MLLT3: variants seen among roughly 807,000 people sequenced by gnomAD.
The protein encoded by MLLT3 is protein AF-9.
In MLLT3, 4 loss-of-function variants were observed where a neutral mutation model predicts 53.2. That is an observed-to-expected ratio of 0.08 (90% CI 0.04 to 0.17). MLLT3 has a LOEUF of 0.17. Among genes scored for constraint, MLLT3 ranks in the 10% least tolerant of loss-of-function variants. MLLT3 has a pLI of 1.00. For missense variants in MLLT3, 569 were observed against 684.0 expected (o/e 0.83, Z 1.87); for synonymous variants, 283 against 230.6 (o/e 1.23, Z -2.06).
chr9:20,436,745 C>A lies in MLLT3; in HGVS notation c.420+11378G>T, dbSNP rs535934974. 3.6e-3 allele frequency among the ~76,000 whole-genome samples: 550 copies of A among 152,170 alleles called. 2 individuals carry two copies. The highest frequency in any genetic ancestry group is 4.6e-3 in the Non-Finnish European group (310 of 67,998). On this transcript the variant is annotated intron_variant, in intron 4 of 10. Transcript: ENST00000380338. The stretch of plus-strand genomic sequence containing the variant: ...AGTTTACTCATCTGTAAAATGGTGA[C>A]CTTGACCTATTATATCAAAGAATTT...
chr9:20,502,138 T>C (rs957026554), intron 2 of MLLT3: 1 of 151,362 alleles, frequency 6.6e-6, no homozygotes, highest in Admixed American at 6.7e-5. Flanking sequence ...GGTAAATATC[T>C]GACAATAATA....
In MLLT3 at chr9:20,615,887, A is replaced by AG. The variant is rs1451130647; in HGVS notation, c.193+4766_193+4767insC. On this transcript the variant is annotated intron_variant, in intron 2 of 10. Transcript: ENST00000380338. Reference sequence around the variant, plus strand: ...ACAAAGAGATTTGAAAAAAAAAAAAAAAAAGAAAAGAAAAGTAAACAATGC... The same window carrying AG: ...ACAAAGAGATTTGAAAAAAAAAAAAAGAAAAGAAAAGAAAAGTAAACAATGC... Among the ~76,000 whole-genome samples, 15 of 104,608 alleles carry AG rather than the reference A, an allele frequency of 1.4e-4. No homozygotes were observed. In the East Asian group the frequency reaches 2.0e-3, roughly 14 times the overall value. The allele number at this position is 104,608 out of a possible 152,430, so 68.6% of individuals were successfully genotyped here.
At chr9:20,364,015 T>C (rs1317933795) in intron 6 of MLLT3, among the ~76,000 whole-genome samples, 3 of 152,340 alleles carry the variant, frequency 2.0e-5, no homozygotes, top group East Asian at 3.9e-4. Flanking sequence ...TGTGTGGTAC[T>C]TTTTGATCCA....
chr9:20,350,313 C>T (rs934536393), intron 10 of MLLT3, among the ~76,000 whole-genome samples: 38 of 152,132 alleles, frequency 2.5e-4, no homozygotes, highest in African/African-American at 8.2e-4. Context: ...GAAAAACAGG[C>T]GGCCGGGCGC....
In MLLT3 at chr9:20,445,450, C is replaced by CA. The variant is rs1198129202; in HGVS notation, c.420+2672dup. 4.6e-5 allele frequency among the ~76,000 whole-genome samples: 7 copies of CA among 152,116 alleles called. No homozygotes were observed. The East Asian group carries it at 5.8e-4, about 13-fold the overall frequency. Reference sequence around the variant, plus strand: ...AACAGAATGTTATTGACCCCTCTCCCAAAAAAGTTGTTATAGGCTTATAGA... The same window carrying CA: ...AACAGAATGTTATTGACCCCTCTCCCAAAAAAAGTTGTTATAGGCTTATAGA... On this transcript the variant is annotated intron_variant, in intron 4 of 10. Transcript: ENST00000380338.
intron 2 of MLLT3, among the ~76,000 whole-genome samples, chr9:20,586,477 C>T (rs1819966279): frequency 6.6e-6 from 1 of 151,998 alleles, no homozygotes; most frequent in East Asian, 1.9e-4. Context: ...GTACATAACC[C>T]CTAGAAAATC....
chr9:20,473,993 T>A (rs1270365393), intron 2 of MLLT3, among the ~76,000 whole-genome samples: 1 of 152,144 alleles, frequency 6.6e-6, no homozygotes, highest in Non-Finnish European at 1.5e-5. Flanking sequence ...GCCTACAGAC[T>A]TGGAATAAAG....
At chr9:20,611,260 A>G (rs1365951113) in intron 2 of MLLT3, among the ~76,000 whole-genome samples, 1 of 152,132 alleles carries the variant, frequency 6.6e-6, no homozygotes, top group Non-Finnish European at 1.5e-5. Context: ...GAAATGGGAC[A>G]TAAAAACCTA....
At chr9:20,513,948 A>C (rs1457823015) in intron 2 of MLLT3, among the ~76,000 whole-genome samples, 1 of 152,226 alleles carries the variant, frequency 6.6e-6, no homozygotes, top group African/African-American at 2.4e-5. Context: ...ACTGACTGTA[A>C]GGAGAAAGTG....
intron 2 of MLLT3, among the ~76,000 whole-genome samples, chr9:20,519,917 A>G (rs1210711070): frequency 6.6e-6 from 1 of 152,246 alleles, no homozygotes; most frequent in Admixed American, 6.5e-5. Flanking sequence ...CTGCAGCACT[A>G]TTCACAGTAG....
intron 2 of MLLT3, among the ~76,000 whole-genome samples, chr9:20,606,189 G>A (rs978085008): frequency 6.6e-6 from 1 of 152,108 alleles, no homozygotes; most frequent in African/African-American, 2.4e-5. Context: ...GGAGCCCACT[G>A]CCTGTAAAAT....
intron 2 of MLLT3, among the ~76,000 whole-genome samples, chr9:20,531,548 T>C (rs1283796491): frequency 6.6e-6 from 1 of 152,234 alleles, no homozygotes; most frequent in Non-Finnish European, 1.5e-5. Flanking sequence ...GCAACCACTC[T>C]AGTTCTGCAG....
chr9:20,363,393 A>G, intron 7 of MLLT3, 83 bp downstream of exon 7: 1 of 1,536,972 alleles, frequency 6.5e-7, no homozygotes, highest in Non-Finnish European at 8.8e-7. Flanking sequence ...GGTGTTTCAC[A>G]CCTTTGCTGT....
intron 2 of MLLT3, among the ~76,000 whole-genome samples, chr9:20,583,530 G>A (rs1819862773): frequency 6.6e-6 from 1 of 152,176 alleles, no homozygotes; most frequent in South Asian, 2.1e-4. Context: ...CACCCCTGCA[G>A]CAAATTTTTC....
At position 20,464,613 on chromosome 9, in the gene MLLT3, A is replaced by G. The variant is rs113936717; in HGVS notation, c.194-7827T>C. On this transcript the variant is annotated intron_variant, in intron 2 of 10. Coordinates refer to ENST00000380338, the MANE Select transcript of MLLT3 (RefSeq NM_004529.4). ...GAGCTCTTTTTTATTTTAGAATCAT[A>G]GTCCCTCTTTAAGGAAGTGGCATTT... 1.7e-3 allele frequency among the ~76,000 whole-genome samples: 263 copies of G among 152,274 alleles called. 3 individuals are homozygous for G. Among genetic ancestry groups the G allele is most frequent in the East Asian group, 0.014 (75 of 5,192 alleles).
Position 20,352,151 on chromosome 9 carries a change from A to G in MLLT3, c.1575+1374T>C, listed in dbSNP as rs1257053356. On this transcript the variant is annotated intron_variant, in intron 10 of 10. Transcript: ENST00000380338. The stretch of plus-strand genomic sequence containing the variant: ...AATGCCAATGACACCCCAAGGTAAG[A>G]TCTGCCCAATGGCCTAGTATCCTTG... 3.3e-5 allele frequency among the ~76,000 whole-genome samples: 5 copies of G among 152,362 alleles called. No homozygotes were observed. The East Asian group carries it at 9.6e-4, about 29-fold the overall frequency.
Position 20,612,616 on chromosome 9 carries a change from A to G in MLLT3, c.193+8038T>C, listed in dbSNP as rs940207399. Among the ~76,000 whole-genome samples the G allele has an allele frequency of 7.9e-5, 12 of 152,144 alleles. No homozygotes were observed. In the East Asian group the frequency reaches 2.3e-3, roughly 29 times the overall value. The stretch of plus-strand genomic sequence containing the variant: ...ACATCCTACAAACAAGAAAATGACA[A>G]GCAACCCAATCTTTTCTTTTAAGAA... On this transcript the variant is annotated intron_variant, in intron 2 of 10. Coordinates refer to ENST00000380338, the MANE Select transcript of MLLT3 (RefSeq NM_004529.4).
chr9:20,527,107 G>A (rs1333133554), intron 2 of MLLT3, among the ~76,000 whole-genome samples: 1 of 152,124 alleles, frequency 6.6e-6, no homozygotes, highest in African/African-American at 2.4e-5. Flanking sequence ...AACAGTGTAA[G>A]ATCAAAGGGT....
At chr9:20,570,576 T>C (rs970374594) in intron 2 of MLLT3, among the ~76,000 whole-genome samples, 2 of 152,242 alleles carry the variant, frequency 1.3e-5, no homozygotes, top group Admixed American at 6.5e-5. Flanking sequence ...TTTAGACATA[T>C]GTACATTTAT....
Sources: allele counts gnomAD v4.1 joint callset (sites outside exome capture counted in the v4.1 genomes callset), GRCh38; gene constraint gnomAD v4.1.1; transcripts MANE v1.5; gene names NCBI Gene and HGNC (gene_info 2026-07-23, HGNC 2026-07-21).